The following COL5A1 variants were observed in gnomAD, a reference collection of about 807,000 sequenced individuals.
COL5A1 encodes the protein collagen type V alpha 1 chain, also known as collagen alpha-1(V) chain.
COL5A1 carries 16 observed loss-of-function variants against 263.7 expected under a neutral mutation model. The observed-to-expected ratio is 0.06, with a 90% CI of 0.04 to 0.09. The LOEUF (loss-of-function observed/expected upper bound fraction) is 0.09. Among genes scored for constraint, COL5A1 ranks in the 10% least tolerant of loss-of-function variants. The pLI is 1.00. For missense variants in COL5A1, 2,036 were observed against 2,540.5 expected (o/e 0.80, Z 4.27); for synonymous variants, 1,012 against 1,004.5 (o/e 1.01, Z -0.14).
At chr9:134,829,027 G>A (rs550605750) in intron 63 of COL5A1, among the ~76,000 whole-genome samples, 8 of 152,266 alleles carry the variant, frequency 5.3e-5, no homozygotes, top group African/African-American at 1.7e-4. Context: ...GTCTGGTGCC[G>A]CAGCAGCCAG....
intron 46 of COL5A1, 66 bp from the exon 47 acceptor site, chr9:134,812,359 TGCTGTGTGGGTGGAGGTCGTGAAA>T: frequency 7.4e-7 from 1 of 1,346,266 alleles, no homozygotes; most frequent in Non-Finnish European, 1.1e-6. Flanking sequence ...GGCTCAGTGG[TGCTGTGTGGGTGGAGGTCGTGAAA>T]GCTGTGTGTG....
intron 20 of COL5A1, among the ~76,000 whole-genome samples, chr9:134,764,175 T>G (rs1233943258): frequency 1.8e-4 from 12 of 68,100 alleles, no homozygotes; most frequent in East Asian, 4.6e-4. Flanking sequence ...TCAGCATGGG[T>G]GGGTACAAGG....
intron 2 of COL5A1, among the ~76,000 whole-genome samples, chr9:134,699,170 G>A (rs1450850392): frequency 6.6e-6 from 1 of 152,216 alleles, no homozygotes; most frequent in Non-Finnish European, 1.5e-5. Context: ...GCCCACGGAT[G>A]AGGGGCAGAT....
Position 134,757,538 on chromosome 9 carries a change from A to G in COL5A1, c.1882-705A>G, listed in dbSNP as rs1239992363. 3.3e-5 allele frequency among the ~76,000 whole-genome samples: 5 copies of G among 152,184 alleles called. No homozygotes were observed. On this transcript the variant is annotated intron_variant, in intron 17 of 65. Transcript: ENST00000371817. The surrounding 1 kb of genome is among the most constrained non-coding windows in gnomAD (Gnocchi z 6.2). ...ACCTGTTCCCTCTTAACGGGCGTGG[A>G]TGAGCTCTGAAGTGCATCCCGTCAG...
At chr9:134,775,327 A>G (rs558752857) in intron 27 of COL5A1, among the ~76,000 whole-genome samples, 2 of 152,146 alleles carry the variant, frequency 1.3e-5, no homozygotes, top group Non-Finnish European at 2.9e-5. Context: ...GCTCGGAAAC[A>G]TTTCTTCCCA....
intron 4 of COL5A1, chr9:134,708,717 C>G (rs748341850): frequency 2.0e-6 from 1 of 511,012 alleles, no homozygotes; most frequent in Non-Finnish European, 3.9e-6. Context: ...GGGACAAGGA[C>G]ATTGCACTCT....
chr9:134,787,011 A>G (rs905821106), intron 31 of COL5A1, among the ~76,000 whole-genome samples: 6 of 152,330 alleles, frequency 3.9e-5, no homozygotes, highest in Admixed American at 3.9e-4. Context: ...TGCACACCCC[A>G]TATGCAGGAG....
intron 1 of COL5A1, among the ~76,000 whole-genome samples, chr9:134,669,203 C>T (rs1209550621): frequency 7.1e-6 from 1 of 140,876 alleles, no homozygotes; most frequent in African/African-American, 2.6e-5. Flanking sequence ...CTTTCCCTTT[C>T]CCTTTCCTTT....
chr9:134,687,724 G>A (rs1245192862), intron 1 of COL5A1, among the ~76,000 whole-genome samples: 2 of 152,206 alleles, frequency 1.3e-5, no homozygotes, highest in African/African-American at 4.8e-5. Flanking sequence ...CTGAGCACCT[G>A]GGCTGCTCGG....
rs1280386301 is a variant in COL5A1 at position 134,755,856 on chromosome 9, C to G, written c.1828-909C>G. ...TTGTCTGTCTCCAGTGCTTTGAGAC[C>G]CTAAGCTGCCACCCTCCAGATCTTC... is the stretch of plus-strand genomic sequence containing the variant. On this transcript the variant is annotated intron_variant, in intron 16 of 65. Transcript: ENST00000371817. The surrounding 1 kb of genome is among the most constrained non-coding windows in gnomAD (Gnocchi z 4.1). 6.6e-6 allele frequency among the ~76,000 whole-genome samples: 1 copy of G among 152,100 alleles called. No homozygotes were observed. The highest frequency in any genetic ancestry group is 1.5e-5 in the Non-Finnish European group (1 of 68,030).
chr9:134,740,230 C>T lies in COL5A1; in HGVS notation c.1494+1422C>T, dbSNP rs577216387. ...GCCGCTGCTCTTGCCCAGCCAGCAC[C>T]GGCCAAAACTCCAGACAGGCAACAG... On this transcript the variant is annotated intron_variant, in intron 11 of 65. Coordinates refer to ENST00000371817, the MANE Select transcript of COL5A1 (RefSeq NM_000093.5). Among the ~76,000 whole-genome samples, 14 of 151,668 alleles carry T rather than the reference C, an allele frequency of 9.2e-5. No homozygotes were observed. In the South Asian group the frequency reaches 1.0e-3, roughly 11 times the overall value.
chr9:134,787,813 A>G (rs1282698166), intron 31 of COL5A1, among the ~76,000 whole-genome samples: 3 of 152,232 alleles, frequency 2.0e-5, no homozygotes, highest in African/African-American at 7.2e-5. Flanking sequence ...TCAGCTCAGC[A>G]GTGTGTGTCC....
In COL5A1 at chr9:134,758,590, T is replaced by G. The variant is rs1836078357; in HGVS notation, c.1935+294T>G. Among the ~76,000 whole-genome samples the G allele has an allele frequency of 6.6e-6, 1 of 152,104 alleles. No homozygotes were observed. The highest frequency in any genetic ancestry group is 2.4e-5 in the African/African-American group (1 of 41,414). On this transcript the variant is annotated intron_variant, in intron 18 of 65. Transcript: ENST00000371817. This position sits in a 1 kb window ranked among gnomAD's most constrained non-coding sequence, Gnocchi z 4.1. The stretch of plus-strand genomic sequence containing the variant: ...GTGAAGGGGGCAGGGAAGGAGCCCT[T>G]CCTTTTAGAGATCTGTTTAATGGAG...
chr9:134,754,813 G>C lies in COL5A1; in HGVS notation c.1827+487G>C, dbSNP rs930082061. Among the ~76,000 whole-genome samples, 1 of 152,172 alleles carries C rather than the reference G, an allele frequency of 6.6e-6. No individual in the cohort carries two copies. The highest frequency in any genetic ancestry group is 2.4e-5 in the African/African-American group (1 of 41,438). On this transcript the variant is annotated intron_variant, in intron 16 of 65. Coordinates refer to ENST00000371817, the MANE Select transcript of COL5A1 (RefSeq NM_000093.5). The surrounding 1 kb of genome is among the most constrained non-coding windows in gnomAD (Gnocchi z 4.3). ...GCACATGACCCTGGCTTCTAAAAGA[G>C]GACACACGTTTCCCGAGTGCTGACC...
chr9:134,700,450 A>T lies in COL5A1; in HGVS notation c.491+328A>T, dbSNP rs1833631083. Among the ~76,000 whole-genome samples the T allele has an allele frequency of 6.6e-6, 1 of 152,236 alleles. No individual in the cohort carries two copies. The highest frequency in any genetic ancestry group is 6.5e-5 in the Admixed American group (1 of 15,288). ...TGTGAGGTTATACCCAACCTTTTCC[A>T]GAAAGGATTTCAGGTATCCTTCAAG... On this transcript the variant is annotated intron_variant, in intron 3 of 65. Transcript: ENST00000371817. This position sits in a 1 kb window ranked among gnomAD's most constrained non-coding sequence, Gnocchi z 4.0.
At chr9:134,760,516 A>C (rs1375647062) in intron 18 of COL5A1, among the ~76,000 whole-genome samples, 6 of 99,270 alleles carry the variant, frequency 6.0e-5, no homozygotes, top group South Asian at 3.8e-4. Flanking sequence ...ACGCATACAC[A>C]CCCACACACC....
In COL5A1 at chr9:134,809,284, A is replaced by C. The variant is rs1296980747; in HGVS notation, c.3468A>C (p.Gly1156=). The C allele has an allele frequency of 6.2e-7, 1 of 1,607,498 alleles. No individual in the cohort carries two copies. The highest frequency in any genetic ancestry group is 1.3e-5 in the African/African-American group (1 of 74,914). ...AGPVGPPGED[G]DKGEIGEPGQ... Reference sequence around the variant, plus strand: ...CTGTGGGTCCCCCTGGAGAAGACGGAGATAAGGTAAGGCAAATCCAGAGTG... The same window carrying C: ...CTGTGGGTCCCCCTGGAGAAGACGGCGATAAGGTAAGGCAAATCCAGAGTG... Residue 1156 remains glycine, a synonymous_variant, in exon 43 of 66, where the codon GGA becomes GGC. Transcript: ENST00000371817.
In COL5A1 at chr9:134,641,926, G is replaced by T; in HGVS notation, c.-262G>T. The T allele has an allele frequency of 2.6e-6, 1 of 390,012 alleles. No homozygotes were observed. Among genetic ancestry groups the T allele is most frequent in the South Asian group, 1.3e-4 (1 of 7,808 alleles). 24.2% of individuals were successfully genotyped at this position (390,012 alleles called of 1,614,324 possible). Reference sequence around the variant, plus strand: ...GAAGGAGTTGGAGGAGGAGGAGGAGGAGGCGAGGGCGAGCTAGCCCAGCGG... The same window carrying T: ...GAAGGAGTTGGAGGAGGAGGAGGAGTAGGCGAGGGCGAGCTAGCCCAGCGG... On this transcript the variant is annotated 5_prime_UTR_variant, in exon 1 of 66. Transcript: ENST00000371817.
chr9:134,810,362 C>T (rs1359381900), intron 44 of COL5A1, 54 bp downstream of exon 44: 45 of 1,562,840 alleles, frequency 2.9e-5, no homozygotes, highest in South Asian at 1.0e-4. Flanking sequence ...GGGGCCTCGT[C>T]GCAGGCTGTA....
Sources: allele counts gnomAD v4.1 joint callset (sites outside exome capture counted in the v4.1 genomes callset), GRCh38; gene constraint gnomAD v4.1.1; non-coding constraint Gnocchi (gnomAD v3.1); transcripts MANE v1.5; gene names NCBI Gene and HGNC (gene_info 2026-07-23, HGNC 2026-07-21).